The following PTH2R variants were observed in gnomAD, a reference collection of about 807,000 sequenced individuals.
PTH2R encodes parathyroid hormone 2 receptor.
Under a neutral mutation model 60.3 loss-of-function variants are expected in PTH2R, and 59 were observed. That is an observed-to-expected ratio of 0.98 (90% CI 0.79 to 1.22). PTH2R has a LOEUF of 1.22. PTH2R is among the 50% of genes most tolerant of loss of function. The pLI, the probability that PTH2R is intolerant of heterozygous loss-of-function variation, is 0.00. For missense variants in PTH2R, 749 were observed against 682.6 expected (o/e 1.10, Z -1.08); for synonymous variants, 256 against 243.8 (o/e 1.05, Z -0.47).
intron 11 of PTH2R, 104 bp downstream of exon 11, chr2:208,489,254 C>T (rs1168188445): frequency 2.1e-6 from 3 of 1,432,970 alleles, no homozygotes; most frequent in Admixed American, 3.8e-5. Context: ...TTTGATGCAC[C>T]TGTCTGGGGA....
intron 1 of PTH2R, among the ~76,000 whole-genome samples, chr2:208,374,559 A>G (rs1474371366): frequency 1.3e-5 from 2 of 152,158 alleles, no homozygotes; most frequent in Admixed American, 6.5e-5. Flanking sequence ...CTGGAGTACA[A>G]TGGCATGATC....
chr2:208,412,667 G>C (rs879343621), intron 1 of PTH2R, among the ~76,000 whole-genome samples: 1 of 152,096 alleles, frequency 6.6e-6, no homozygotes, highest in Non-Finnish European at 1.5e-5. Flanking sequence ...AAATTAGCTG[G>C]GTGGCCACAG....
Position 208,372,847 on chromosome 2 carries a change from G to A in PTH2R, c.-259+12610G>A, listed in dbSNP as rs567272625. ...TGCCTGTAATCCTAGCAGTTTGGGA[G>A]GCTGAGACAGGTGGATCGCCTGAGC... On this transcript the variant is annotated intron_variant, in intron 1 of 12. Transcript: ENST00000617735. Among the ~76,000 whole-genome samples, 109 of 152,188 alleles carry A rather than the reference G, an allele frequency of 7.2e-4. 1 individual carries two copies. The highest frequency in any genetic ancestry group is 2.5e-3 in the African/African-American group (102 of 41,468).
chr2:208,376,687 C>A (rs1034377275), intron 1 of PTH2R, among the ~76,000 whole-genome samples: 5 of 152,030 alleles, frequency 3.3e-5, no homozygotes, highest in Admixed American at 6.5e-5. Flanking sequence ...AACCCAGCTT[C>A]TACCCAATGA....
At chr2:208,442,264 A>T in intron 4 of PTH2R, 100 bp from the exon 5 acceptor site, 1 of 886,260 alleles carries the variant, frequency 1.1e-6, no homozygotes, top group Non-Finnish European at 1.8e-6. Flanking sequence ...AAAAAGTTAA[A>T]GAGAATTAGA....
At chr2:208,425,960 A>G (rs962375996) in intron 1 of PTH2R, among the ~76,000 whole-genome samples, 4 of 152,184 alleles carry the variant, frequency 2.6e-5, no homozygotes, top group African/African-American at 9.7e-5. Flanking sequence ...TTCATTTTAT[A>G]TGTAATGTGT....
Position 208,450,702 on chromosome 2 carries a change from C to T in PTH2R, c.854-47C>T, listed in dbSNP as rs1391275714. 3.8e-6 allele frequency: 6 copies of T among 1,589,440 alleles called. No individual in the cohort carries two copies. In the African/African-American group the frequency reaches 5.4e-5, roughly 14 times the overall value. On this transcript the variant is annotated intron_variant, in intron 7 of 12. Transcript: ENST00000272847. ...ATGGTGAATTTGAGGAAAAAACCTC[C>T]TTAATCTTAAAATAAATCTAGTCTC...
rs927573636 is a variant in PTH2R at position 208,418,087 on chromosome 2, G to A, written c.76-10114G>A. Among the ~76,000 whole-genome samples the A allele has an allele frequency of 7.2e-5, 11 of 151,990 alleles. No homozygotes were observed. In the East Asian group the frequency reaches 2.1e-3, roughly 29 times the overall value. ...GACATTAAAAATAGGAAGTAAAATA[G>A]CTTCCTTATGTGTAAAAAAACTACC... On this transcript the variant is annotated intron_variant, in intron 1 of 12. Coordinates refer to ENST00000272847, the MANE Select transcript of PTH2R (RefSeq NM_005048.4).
chr2:208,440,251 T>C (rs546160839), intron 4 of PTH2R, among the ~76,000 whole-genome samples: 1 of 152,170 alleles, frequency 6.6e-6, no homozygotes, highest in South Asian at 2.1e-4. Context: ...GGAGATGCCA[T>C]CTCTTAAAGT....
chr2:208,470,218 G>A (rs1429199322), intron 9 of PTH2R, among the ~76,000 whole-genome samples: 1 of 152,188 alleles, frequency 6.6e-6, no homozygotes. Context: ...TTAGGGAAAA[G>A]AAAAGGAGGA....
intron 1 of PTH2R, among the ~76,000 whole-genome samples, chr2:208,372,898 A>G (rs1387898315): frequency 6.6e-6 from 1 of 152,070 alleles, no homozygotes; most frequent in Non-Finnish European, 1.5e-5. Flanking sequence ...CAGTCTGGGC[A>G]ACATGGCAAA....
chr2:208,481,333 C>T (rs1703144537), intron 10 of PTH2R, among the ~76,000 whole-genome samples, 169 bp downstream of exon 10: 1 of 151,756 alleles, frequency 6.6e-6, no homozygotes, highest in African/African-American at 2.4e-5. Flanking sequence ...GCCTCAGCCT[C>T]CCGAGTAGCT....
At chr2:208,420,300 G>GA (rs1212860475) in intron 1 of PTH2R, among the ~76,000 whole-genome samples, 1 of 148,862 alleles carries the variant, frequency 6.7e-6, no homozygotes, top group African/African-American at 2.5e-5. Context: ...AAAAAAAAAA[G>GA]AAAAAAAAAG....
At chr2:208,372,071 G>A (rs1390076150) in intron 1 of PTH2R, among the ~76,000 whole-genome samples, 1 of 151,924 alleles carries the variant, frequency 6.6e-6, no homozygotes, top group African/African-American at 2.4e-5. Context: ...ACAGGTGCCC[G>A]CCACTACTCT....
chr2:208,369,157 C>G (rs979263426), intron 1 of PTH2R, among the ~76,000 whole-genome samples: 6 of 152,060 alleles, frequency 3.9e-5, no homozygotes, highest in Non-Finnish European at 8.8e-5. Context: ...AAATACATTT[C>G]TATAGTAACC....
chr2:208,421,734 A>C (rs1454872976), intron 1 of PTH2R, among the ~76,000 whole-genome samples: 1 of 152,210 alleles, frequency 6.6e-6, no homozygotes, highest in Non-Finnish European at 1.5e-5. Context: ...TAAAATAATT[A>C]TAAGTTCATG....
chr2:208,405,017 C>T (rs1701375709), upstream of PTH2R, among the ~76,000 whole-genome samples: 1 of 152,158 alleles, frequency 6.6e-6, no homozygotes, highest in South Asian at 2.1e-4. Flanking sequence ...ATTTCTAAGC[C>T]TCTTCTATCA....
intron 2 of PTH2R, among the ~76,000 whole-genome samples, chr2:208,432,883 G>C (rs1702000787): frequency 6.6e-6 from 1 of 152,114 alleles, no homozygotes; most frequent in Non-Finnish European, 1.5e-5. Context: ...GCCAACTGGA[G>C]GGTGCCCACC....
At chr2:208,410,130 A>C (rs1392921974) in intron 1 of PTH2R, among the ~76,000 whole-genome samples, 1 of 152,214 alleles carries the variant, frequency 6.6e-6, no homozygotes, top group Non-Finnish European at 1.5e-5. Context: ...ATGAAGATTC[A>C]GAGCCTACTA....
Sources: gnomAD v4.1 joint callset for allele counts (sites outside exome capture counted in the v4.1 genomes callset) on GRCh38, gnomAD v4.1.1 for gene constraint, MANE v1.5 for transcripts, NCBI Gene and HGNC (gene_info 2026-07-23, HGNC 2026-07-21) for gene names.